The following BAIAP2 variants were observed in gnomAD, a reference collection of about 807,000 sequenced individuals.
The protein encoded by BAIAP2 is BAR/IMD domain containing adaptor protein 2.
In BAIAP2, 18 loss-of-function variants were observed where a neutral mutation model predicts 63.0. The ratio of observed to expected loss-of-function variants is 0.29; its 90% CI spans 0.20 to 0.42. The LOEUF (loss-of-function observed/expected upper bound fraction) is 0.42, where lower values mean the gene tolerates loss of function less well. Among genes scored for constraint, BAIAP2 ranks in the 10% least tolerant of loss-of-function variants. The pLI is 1.00. For synonymous variants in BAIAP2, 386 were observed against 307.6 expected, an observed-to-expected ratio of 1.25 and a Z score of -2.67; for missense variants, 610 against 734.3, an observed-to-expected ratio of 0.83 and a Z score of 1.96.
intron 3 of BAIAP2, among the ~76,000 whole-genome samples, chr17:81,081,277 A>G (rs2054557450): frequency 6.6e-6 from 1 of 152,150 alleles, no homozygotes; most frequent in Non-Finnish European, 1.5e-5. Flanking sequence ...AAGCACGAGG[A>G]GCCCTGGAGC....
rs949429028 is a variant in BAIAP2, at chr17:81,108,446, G to A, written c.1501-29G>A. The A allele has an allele frequency of 4.3e-6, 7 of 1,613,312 alleles. No homozygotes were observed. The African/African-American group carries it at 6.7e-5, about 15-fold the overall frequency. On this transcript the variant is annotated intron_variant, in intron 12 of 13. Transcript: ENST00000428708. ...GGGTGACCACAGGCCCCGTCACCCG[G>A]CCTGACATGTTTCTGCCTCTGCCCC...
At chr17:81,047,812 T>C (rs2048052009) in intron 1 of BAIAP2, among the ~76,000 whole-genome samples, 6 of 151,878 alleles carry the variant, frequency 4.0e-5, no homozygotes, top group Admixed American at 3.9e-4. Flanking sequence ...CACACAGGGG[T>C]CCACATGCAT....
chr17:81,109,372 T>TAAAAAAAAAAAAAAAAAAAAACA (rs2059601480), intron 13 of BAIAP2: 1 of 757,188 alleles, frequency 1.3e-6, no homozygotes, highest in African/African-American at 2.2e-5. Context: ...AGAAAAATCT[T>TAAAAAAAAAAAAAAAAAAAAACA]AAAAAAAAAA....
At chr17:81,100,491 C>T (rs1373137834) in intron 7 of BAIAP2, among the ~76,000 whole-genome samples, 2 of 152,152 alleles carry the variant, frequency 1.3e-5, no homozygotes, top group Admixed American at 6.5e-5. Flanking sequence ...CTTGCTCTTC[C>T]TGTGGCCCCT....
chr17:81,074,122 G>A (rs552507848), intron 3 of BAIAP2, among the ~76,000 whole-genome samples: 2 of 152,360 alleles, frequency 1.3e-5, no homozygotes, highest in East Asian at 1.9e-4. Flanking sequence ...AGGAGGATGC[G>A]TCTGTGGTAA....
chr17:81,116,668 G>A lies in BAIAP2; in HGVS notation c.*829G>A. 1.5e-5 allele frequency: 5 copies of A among 327,196 alleles called. No homozygotes were observed. The South Asian group carries it at 2.1e-4, about 14-fold the overall frequency. 20.3% of individuals were successfully genotyped at this position (327,196 alleles called of 1,614,324 possible). On this transcript the variant is annotated 3_prime_UTR_variant, in exon 14 of 14. Coordinates refer to ENST00000428708, the MANE Select transcript of BAIAP2 (RefSeq NM_001144888.2). ...CCCCCCCCCACCTCCGCTGACTCCT[G>A]CAGGCACTGGGGAGCTCTGCTGGAA...
chr17:81,083,162 G>C (rs778835322), intron 3 of BAIAP2: 5 of 152,428 alleles, frequency 3.3e-5, no homozygotes, highest in Non-Finnish European at 4.4e-5. Context: ...AGGGCTTCCT[G>C]CGTGTCACCG....
intron 13 of BAIAP2, 58 bp downstream of exon 13, chr17:81,108,567 G>A: frequency 2.5e-6 from 4 of 1,605,278 alleles, no homozygotes; most frequent in Non-Finnish European, 2.6e-6. Flanking sequence ...GAGGCCGGGT[G>A]GGGCAGGTCC....
intron 1 of BAIAP2, among the ~76,000 whole-genome samples, chr17:81,050,765 A>G (rs2048552426): frequency 1.3e-5 from 2 of 150,152 alleles, no homozygotes; most frequent in African/African-American, 4.9e-5. Context: ...GCACACATGC[A>G]TGTGTGTATG....
intron 3 of BAIAP2, among the ~76,000 whole-genome samples, chr17:81,080,023 C>T (rs192762646): frequency 5.3e-5 from 8 of 152,186 alleles, no homozygotes; most frequent in African/African-American, 1.7e-4. Flanking sequence ...GTGGAGCCCT[C>T]GCTACTCCGT....
rs563311839 is a variant in BAIAP2 at position 81,041,277 on chromosome 17, G to A, written c.54+5969G>A. Among the ~76,000 whole-genome samples, 396 of 152,338 alleles carry A rather than the reference G, an allele frequency of 2.6e-3. 1 individual carries two copies. The highest frequency in any genetic ancestry group is 9.0e-3 in the African/African-American group (375 of 41,576). On this transcript the variant is annotated intron_variant, in intron 1 of 13. Transcript: ENST00000428708. The stretch of plus-strand genomic sequence containing the variant: ...GGGCAGTGGGTACAGCGGGCAGGAT[G>A]CTCCCAGGGTCCCTGGAGGCTCTGG...
chr17:81,081,374 G>A lies in BAIAP2; in HGVS notation c.218-3458G>A, dbSNP rs549431097. Among the ~76,000 whole-genome samples, 15 of 152,312 alleles carry A rather than the reference G, an allele frequency of 9.8e-5. No homozygotes were observed. In the East Asian group the frequency reaches 2.7e-3, roughly 27 times the overall value. ...CTGCCCCCGGCCTGAAGCTTCCTGC[G>A]TCTGCTGTCCTTGGCTCGTAGGATG... On this transcript the variant is annotated intron_variant, in intron 3 of 13. Coordinates refer to ENST00000428708, the MANE Select transcript of BAIAP2 (RefSeq NM_001144888.2).
chr17:81,048,710 C>G (rs2048205329), intron 1 of BAIAP2, among the ~76,000 whole-genome samples: 1 of 152,192 alleles, frequency 6.6e-6, no homozygotes, highest in Non-Finnish European at 1.5e-5. Context: ...CCATTTGTAC[C>G]TTCAGAAATG....
intron 9 of BAIAP2, 47 bp downstream of exon 9, chr17:81,104,155 C>G: frequency 6.3e-7 from 1 of 1,596,758 alleles, no homozygotes; most frequent in Non-Finnish European, 8.6e-7. Flanking sequence ...GGACGTGCCT[C>G]CTCAGACCCT....
intron 1 of BAIAP2, among the ~76,000 whole-genome samples, chr17:81,037,563 C>G (rs1355603420): frequency 3.3e-5 from 5 of 152,228 alleles, no homozygotes; most frequent in Admixed American, 3.3e-4. Context: ...GCTGAGGCCA[C>G]CGGTGTGCAC....
chr17:81,071,302 G>A (rs1428383884), intron 3 of BAIAP2, among the ~76,000 whole-genome samples: 1 of 152,122 alleles, frequency 6.6e-6, no homozygotes, highest in Admixed American at 6.5e-5. Flanking sequence ...GGCCCCTGTG[G>A]GGGCTCTGAT....
chr17:81,116,780 C>T lies in BAIAP2; in HGVS notation c.*941C>T, dbSNP rs2060562462. On this transcript the variant is annotated 3_prime_UTR_variant, in exon 14 of 14. Coordinates refer to ENST00000428708, the MANE Select transcript of BAIAP2 (RefSeq NM_001144888.2). ...AGGTGAAATACAGTGTGGTGAGCTG[C>T]ACTGGTGACAACAGCCCTTACCTGG... is the stretch of plus-strand genomic sequence containing the variant. The T allele has an allele frequency of 5.9e-6, 1 of 168,512 alleles. No individual in the cohort carries two copies. Among genetic ancestry groups the T allele is most frequent in the Non-Finnish European group, 1.3e-5 (1 of 76,822 alleles). 10.4% of individuals were successfully genotyped at this position (168,512 alleles called of 1,614,324 possible). A position where few individuals can be genotyped will look rare whatever the true frequency, so the allele number is the denominator to read the frequency against.
Position 81,117,355 on chromosome 17 carries a change from C to G in BAIAP2, c.*1516C>G, listed in dbSNP as rs1026042173. 1 of 152,302 alleles carries G rather than the reference C, an allele frequency of 6.6e-6. No individual in the cohort carries two copies. The highest frequency in any genetic ancestry group is 1.5e-5 in the Non-Finnish European group (1 of 68,062). 9.4% of individuals were successfully genotyped at this position (152,302 alleles called of 1,614,324 possible). A position where few individuals can be genotyped will look rare whatever the true frequency, so the allele number is the denominator to read the frequency against. On this transcript the variant is annotated 3_prime_UTR_variant, in exon 14 of 14. Transcript: ENST00000428708. ...AAGGAACAAGAAAACATTGCACCAG[C>G]GTTCTAAGCCTCAAACAAAACACAA... is the stretch of plus-strand genomic sequence containing the variant.
At chr17:81,060,603 C>A (rs775482650) in intron 3 of BAIAP2, among the ~76,000 whole-genome samples, 1 of 152,188 alleles carries the variant, frequency 6.6e-6, no homozygotes, top group Admixed American at 6.5e-5. Context: ...TGTCACCTTC[C>A]GGCAGCTGTG....
Sources: allele counts gnomAD v4.1 joint callset (sites outside exome capture counted in the v4.1 genomes callset), GRCh38; gene constraint gnomAD v4.1.1; transcripts MANE v1.5; gene names NCBI Gene and HGNC (gene_info 2026-07-23, HGNC 2026-07-21).